The following STRIP2 variants were observed in gnomAD, a reference collection of about 807,000 sequenced individuals.
STRIP2 encodes striatin-interacting protein 2.
A neutral mutation model predicts 107.1 loss-of-function variants in STRIP2; 84 were observed. The observed-to-expected ratio is 0.78, with a 90% CI of 0.66 to 0.94. The LOEUF is 0.94. Among genes scored for constraint, STRIP2 ranks in the 40% least tolerant of loss-of-function variants. The pLI is 0.00. For synonymous variants in STRIP2, 394 were observed against 400.4 expected (o/e 0.98, Z 0.19); for missense variants, 888 against 1,034.2 (o/e 0.86, Z 1.94).
intron 12 of STRIP2, 138 bp downstream of exon 12, chr7:129,459,718 C>A: frequency 3.2e-6 from 2 of 627,074 alleles, no homozygotes; most frequent in Non-Finnish European, 5.6e-6. Context: ...AGTCCTTTGG[C>A]CAAATAGGAA....
intron 3 of STRIP2, among the ~76,000 whole-genome samples, chr7:129,445,441 C>T (rs1798009971): frequency 6.6e-6 from 1 of 152,012 alleles, no homozygotes; most frequent in Non-Finnish European, 1.5e-5. Context: ...ACCTCTAGGC[C>T]AGCAGAACGT....
chr7:129,476,550 G>T (rs11982324), intron 18 of STRIP2, among the ~76,000 whole-genome samples: 14 of 150,520 alleles, frequency 9.3e-5, no homozygotes, highest in Admixed American at 4.0e-4. Context: ...GGTCGCGGCC[G>T]GGCAGAGGCA....
At position 129,455,379 on chromosome 7, in the gene STRIP2, AT is replaced by A; in HGVS notation, c.834+10del. 1 of 1,610,842 alleles carries A rather than the reference AT, an allele frequency of 6.2e-7. No individual in the cohort carries two copies. The highest frequency in any genetic ancestry group is 8.5e-7 in the Non-Finnish European group (1 of 1,178,714). On this transcript the variant is annotated intron_variant, in intron 8 of 20. Transcript: ENST00000249344. ...CTCTGGAAGGTGGTCATGGTGAGTA[AT>A]TCTCCCCACTCCCACATTATCAGAT...
intron 18 of STRIP2, 85 bp from the exon 19 acceptor site, chr7:129,480,700 A>T (rs1210312013): frequency 8.5e-7 from 1 of 1,178,388 alleles, no homozygotes; most frequent in African/African-American, 1.5e-5. Context: ...GGCCTCACCT[A>T]AACTGACCAA....
At position 129,451,728 on chromosome 7, in the gene STRIP2, T is replaced by C. The variant is rs1280405187; in HGVS notation, c.390T>C (p.Ala130=). The part of the protein sequence containing the change: ...SRERRLKVAR[A]VLYLAQGTFG... ...AACGGCGGCTGAAGGTGGCCCGGGCTGTTCTCTACCTGGCCCAAGGTGAGT... is the reference window on the plus strand; with the variant it reads ...AACGGCGGCTGAAGGTGGCCCGGGCCGTTCTCTACCTGGCCCAAGGTGAGT... The change falls in exon 4 of 21, where the codon GCT becomes GCC. Residue 130 remains alanine (A), a synonymous_variant. Transcript: ENST00000249344. 2 of 1,613,718 alleles carry C rather than the reference T, an allele frequency of 1.2e-6. No homozygotes were observed. Among genetic ancestry groups the C allele is most frequent in the East Asian group, 4.5e-5 (2 of 44,866 alleles).
At chr7:129,479,134 C>G (rs1241580750) in intron 18 of STRIP2, among the ~76,000 whole-genome samples, 2 of 151,886 alleles carry the variant, frequency 1.3e-5, no homozygotes, top group Non-Finnish European at 2.9e-5. Flanking sequence ...ATTAGCTAGG[C>G]GTGGCGGTGC....
intron 18 of STRIP2, chr7:129,478,028 G>A (rs141021665): frequency 4.7e-4 from 199 of 421,772 alleles, no homozygotes; most frequent in African/African-American, 2.8e-3. Context: ...GGCAACCAGC[G>A]GGCAACAGAA....
intron 19 of STRIP2, 54 bp downstream of exon 19, chr7:129,480,943 G>A: frequency 7.3e-7 from 1 of 1,367,890 alleles, no homozygotes; most frequent in Non-Finnish European, 1.0e-6. Context: ...ATTTTTAAAA[G>A]ATCACTAGTA....
rs569814308 is a variant in STRIP2, at chr7:129,482,969, A to G, written c.2177A>G (p.Lys726Arg). 44 of 1,614,084 alleles carry G rather than the reference A, an allele frequency of 2.7e-5. No homozygotes were observed. Among genetic ancestry groups the G allele is most frequent in the Non-Finnish European group, 3.6e-5 (43 of 1,180,040 alleles). The part of the protein sequence containing the change: ...QTKYLGRQWR[K>R]SNMKTMSAIY... ...AAGTACCTGGGGCGCCAATGGAGGAAAAGCAACATGAAAACCATGTCAGCC... is the reference window on the plus strand; with the variant it reads ...AAGTACCTGGGGCGCCAATGGAGGAGAAGCAACATGAAAACCATGTCAGCC... Residue 726 changes from lysine to arginine, a missense_variant, in exon 20 of 21, where the codon AAA (lysine) becomes AGA (arginine). Transcript: ENST00000249344.
chr7:129,446,158 A>G (rs1016151674), intron 3 of STRIP2, among the ~76,000 whole-genome samples: 4 of 152,128 alleles, frequency 2.6e-5, no homozygotes, highest in Non-Finnish European at 4.4e-5. Context: ...CACTTTGCTC[A>G]TGGGCCCATT....
intron 18 of STRIP2, among the ~76,000 whole-genome samples, chr7:129,475,567 T>A (rs28649095): frequency 2.5e-5 from 3 of 118,380 alleles, no homozygotes; most frequent in Admixed American, 9.3e-5. Flanking sequence ...TTTTTTTTTT[T>A]CTTTTTATTT....
chr7:129,440,318 A>G lies in STRIP2; in HGVS notation c.199+227A>G, dbSNP rs142815895. 7.7e-3 allele frequency among the ~76,000 whole-genome samples: 1,168 copies of G among 152,058 alleles called. 9 individuals carry two copies. The highest frequency in any genetic ancestry group is 0.027 in the Middle Eastern group (8 of 292). ...ATGGTATTCTTCATTCTGTCATTCT[A>G]TCACTCTTTCCTGCTCACTCTTCTT... On this transcript the variant is annotated intron_variant, in intron 2 of 20. Transcript: ENST00000249344.
chr7:129,438,094 T>C (rs1390924916), intron 1 of STRIP2, among the ~76,000 whole-genome samples: 6 of 152,214 alleles, frequency 3.9e-5, no homozygotes, highest in African/African-American at 1.4e-4. Flanking sequence ...CGTGAGCCAC[T>C]GCGCCCGGCC....
intron 17 of STRIP2, 59 bp from the exon 18 acceptor site, chr7:129,470,590 C>T: frequency 7.1e-7 from 1 of 1,400,968 alleles, no homozygotes; most frequent in South Asian, 1.2e-5. Flanking sequence ...TTTCCAGATA[C>T]AGCCAATTCC....
intron 1 of STRIP2, among the ~76,000 whole-genome samples, chr7:129,438,124 A>G (rs1031879136): frequency 6.6e-6 from 1 of 152,200 alleles, no homozygotes; most frequent in African/African-American, 2.4e-5. Context: ...TGTTGACAGT[A>G]TAAATTGGCA....
At chr7:129,442,783 A>C (rs553671925) in intron 2 of STRIP2, among the ~76,000 whole-genome samples, 84 of 152,330 alleles carry the variant, frequency 5.5e-4, no homozygotes, top group Admixed American at 9.8e-4. Flanking sequence ...ACTCCCAGAC[A>C]AGGTGTTTCT....
At chr7:129,475,313 GTATTA>G (rs1219100224) in intron 18 of STRIP2, among the ~76,000 whole-genome samples, 3 of 151,812 alleles carry the variant, frequency 2.0e-5, no homozygotes, top group Admixed American at 6.6e-5. Context: ...TATTTTATAT[GTATTA>G]TATTGATATC....
rs1799262846 is a variant in STRIP2 at position 129,487,204 on chromosome 7, AG to A, written c.*1378del. ...AATTTTTTGTATTTTTAGTAGAAAC[AG>A]GGTTTCACCATGTTAGCCAGGCTGA... On this transcript the variant is annotated 3_prime_UTR_variant, in exon 21 of 21. Coordinates refer to ENST00000249344, the MANE Select transcript of STRIP2 (RefSeq NM_020704.3). 6.6e-6 allele frequency: 1 copy of A among 151,928 alleles called. No homozygotes were observed. Among genetic ancestry groups the A allele is most frequent in the Admixed American group, 6.6e-5 (1 of 15,224 alleles). 9.4% of individuals were successfully genotyped at this position (151,928 alleles called of 1,614,324 possible). A position where few individuals can be genotyped will look rare whatever the true frequency, so the allele number is the denominator to read the frequency against.
chr7:129,474,727 G>A (rs1408887728), intron 18 of STRIP2, among the ~76,000 whole-genome samples: 1 of 152,100 alleles, frequency 6.6e-6, no homozygotes, highest in Non-Finnish European at 1.5e-5. Flanking sequence ...GGCCAGGCTG[G>A]TCTTGAACTC....
Sources: allele counts gnomAD v4.1 joint callset (sites outside exome capture counted in the v4.1 genomes callset), GRCh38; gene constraint gnomAD v4.1.1; transcripts MANE v1.5; gene names NCBI Gene and HGNC (gene_info 2026-07-23, HGNC 2026-07-21).